The following APRT variants were observed in gnomAD, a reference collection of about 807,000 sequenced individuals.
The protein encoded by APRT is adenine phosphoribosyltransferase.
APRT carries 25 observed loss-of-function variants against 21.0 expected under a neutral mutation model. The ratio of observed to expected loss-of-function variants is 1.19; its 90% confidence interval spans 0.87 to 1.66. The LOEUF is 1.66. Among genes scored for constraint, APRT ranks in the 40% most tolerant of loss-of-function variants. The pLI is 0.00. For synonymous variants in APRT, 153 were observed against 109.0 expected (o/e 1.40, Z -2.52); for missense variants, 294 against 232.7 (o/e 1.26, Z -1.72).
intron 2 of APRT, 138 bp from the exon 3 acceptor site, chr16:88,810,694 A>AC (rs1181233474): frequency 1.1e-5 from 13 of 1,181,394 alleles, no homozygotes; most frequent in Non-Finnish European, 1.5e-5. Context: ...GTTACCCATC[A>AC]CCTACCCGGA....
In APRT at chr16:88,810,573, CAG is replaced by C; in HGVS notation, c.188-19_188-18del. 1 of 1,609,654 alleles carries C rather than the reference CAG, an allele frequency of 6.2e-7. No individual in the cohort carries two copies. Among genetic ancestry groups the C allele is most frequent in the Non-Finnish European group, 8.5e-7 (1 of 1,179,018 alleles). ...AGTCTAGGCCTGTCAGGGTAAGTGA[CAG>C]GAGTGACTCGGCAGCATGGGAATCC... On this transcript the variant is annotated intron_variant, in intron 2 of 4. Transcript: ENST00000378364.
At chr16:88,811,740 C>A in intron 1 of APRT, 80 bp downstream of exon 1, 1 of 1,501,654 alleles carries the variant, frequency 6.7e-7, no homozygotes, top group Non-Finnish European at 8.9e-7. Flanking sequence ...CCCGCCCCGC[C>A]CGCCCGGAGG....
intron 2 of APRT, chr16:88,811,165 C>G (rs984128844): frequency 2.3e-6 from 1 of 430,156 alleles, no homozygotes; most frequent in Non-Finnish European, 4.1e-6. Context: ...CCTCCCTTCC[C>G]TGGGTGGGCA....
chr16:88,809,889 A>C (rs1020098230), intron 4 of APRT, 49 bp from the exon 5 acceptor site: 1 of 1,601,486 alleles, frequency 6.2e-7, no homozygotes, highest in Non-Finnish European at 8.5e-7. Context: ...TGCAGAGAGC[A>C]GGTGCTCCAG....
Position 88,809,687 on chromosome 16 carries a change from A to G in APRT, c.*11T>C, listed in dbSNP as rs567519373. 3 of 1,613,226 alleles carry G rather than the reference A, an allele frequency of 1.9e-6. No individual in the cohort carries two copies. In the South Asian group the frequency reaches 3.3e-5, roughly 18 times the overall value. ...ATCCAGCTGGAGATGTTGGGCTGGG[A>G]GGCCCTGTGGTCACTCATACTGCAG... On this transcript the variant is annotated 3_prime_UTR_variant, in exon 5 of 5. Coordinates refer to ENST00000378364, the MANE Select transcript of APRT (RefSeq NM_000485.3).
intron 2 of APRT, 147 bp from the exon 3 acceptor site, chr16:88,810,703 G>A (rs1259455976): frequency 8.9e-7 from 1 of 1,127,352 alleles, no homozygotes; most frequent in Non-Finnish European, 1.3e-6. Context: ...CACCTACCCG[G>A]AGCTGCTTCC....
At chr16:88,811,451 C>T in intron 2 of APRT, 99 bp downstream of exon 2, 1 of 1,326,884 alleles carries the variant, frequency 7.5e-7, no homozygotes, top group Non-Finnish European at 1.0e-6. Context: ...CCCTGAAGCA[C>T]CCCAAAGGCC....
At chr16:88,811,374 G>A in intron 2 of APRT, 176 bp downstream of exon 2, 1 of 669,896 alleles carries the variant, frequency 1.5e-6, no homozygotes. Context: ...GCACAGCGCG[G>A]CGGCCTCGGG....
At chr16:88,811,476 C>T in intron 2 of APRT, 74 bp downstream of exon 2, 1 of 1,440,696 alleles carries the variant, frequency 6.9e-7, no homozygotes, top group Middle Eastern at 1.7e-4. Context: ...CCCAAGCAGA[C>T]GCGCAGAGCC....
intron 4 of APRT, 101 bp downstream of exon 4, chr16:88,809,969 C>T (rs1456561604): frequency 1.3e-6 from 2 of 1,568,872 alleles, no homozygotes; most frequent in Non-Finnish European, 1.7e-6. Context: ...CAGGCACCCT[C>T]TGGACAACAG....
In APRT at chr16:88,809,355, C is replaced by G. The variant is rs1909009570; in HGVS notation, c.*343G>C. ...GGGTTCTAGCTCCTGAGGTGAGAACCAGGACAGGTTCTGCTGGGCATCACG... is the reference window on the plus strand; with the variant it reads ...GGGTTCTAGCTCCTGAGGTGAGAACGAGGACAGGTTCTGCTGGGCATCACG... On this transcript the variant is annotated 3_prime_UTR_variant, in exon 5 of 5. Coordinates refer to ENST00000378364, the MANE Select transcript of APRT (RefSeq NM_000485.3). The G allele has an allele frequency of 2.1e-6, 1 of 472,468 alleles. No homozygotes were observed. Among genetic ancestry groups the G allele is most frequent in the Non-Finnish European group, 4.2e-6 (1 of 240,426 alleles). 29.3% of individuals were successfully genotyped at this position (472,468 alleles called of 1,614,324 possible). A position where few individuals can be genotyped will look rare whatever the true frequency, so the allele number is the denominator to read the frequency against.
In APRT at chr16:88,810,886, T is replaced by A. The variant is rs868633739; in HGVS notation, c.188-330A>T. On this transcript the variant is annotated intron_variant, in intron 2 of 4. Coordinates refer to ENST00000378364, the MANE Select transcript of APRT (RefSeq NM_000485.3). ...AGGCAGCTCTGCACCAGGGCTTCTG[T>A]CTAAAAAGGGAGTCTCTCGAGGTGG... 2.2e-4 allele frequency among the ~76,000 whole-genome samples: 34 copies of A among 152,172 alleles called. No individual in the cohort carries two copies. In the Middle Eastern group the frequency reaches 0.01, roughly 46 times the overall value.
intron 2 of APRT, 139 bp downstream of exon 2, chr16:88,811,411 C>A (rs1405880677): frequency 3.3e-6 from 3 of 916,906 alleles, no homozygotes; most frequent in Non-Finnish European, 4.9e-6. Flanking sequence ...CCTTCCCGGG[C>A]GACCCAAGCA....
At chr16:88,811,757 GC>G in intron 1 of APRT, 62 bp downstream of exon 1, 1 of 1,511,418 alleles carries the variant, frequency 6.6e-7, no homozygotes. Context: ...GAGGTCGCGG[GC>G]CACGCGCTCC....
In APRT at chr16:88,811,658, T is replaced by C. The variant is rs751779314; in HGVS notation, c.81-2A>G. The C allele has an allele frequency of 6.3e-7, 1 of 1,587,168 alleles. No individual in the cohort carries two copies. The highest frequency in any genetic ancestry group is 1.7e-5 in the Admixed American group (1 of 57,480). On this transcript the variant is annotated splice_acceptor_variant, in intron 1 of 4. Coordinates refer to ENST00000378364, the MANE Select transcript of APRT (RefSeq NM_000485.3). LOFTEE classifies it high-confidence loss of function. ...TCCTTCAGGACGGGCGAGATGTCCC[T>C]GGACCCAAGGACAGGCCTGGTGACG...
chr16:88,809,344 G>C lies in APRT; in HGVS notation c.*354C>G. The C allele has an allele frequency of 2.2e-6, 1 of 455,344 alleles. No individual in the cohort carries two copies. The allele number at this position is 455,344 out of a possible 1,614,324, so 28.2% of individuals were successfully genotyped here. The stretch of plus-strand genomic sequence containing the variant: ...CAGTGCCTGGAGGGTTCTAGCTCCT[G>C]AGGTGAGAACCAGGACAGGTTCTGC... On this transcript the variant is annotated 3_prime_UTR_variant, in exon 5 of 5. Transcript: ENST00000378364.
rs540232954 is a variant in APRT at position 88,810,385 on chromosome 16, T to C, written c.321+38A>G. 1.8e-4 allele frequency: 295 copies of C among 1,608,354 alleles called. 2 individuals are homozygous for C. The East Asian group carries it at 6.5e-3, about 35-fold the overall frequency. ...CTGGGGGAGAGTGGCCACGGTGGCC[T>C]GGCCCTGCCCTTCCTCTGGCCACCC... On this transcript the variant is annotated intron_variant, in intron 3 of 4. Transcript: ENST00000378364.
At position 88,809,372 on chromosome 16, in the gene APRT, G is replaced by A. The variant is rs774303894; in HGVS notation, c.*326C>T. 6.0e-6 allele frequency: 3 copies of A among 497,862 alleles called. No homozygotes were observed. Among genetic ancestry groups the A allele is most frequent in the African/African-American group, 1.9e-5 (1 of 51,810 alleles). The allele number at this position is 497,862 out of a possible 1,614,324, so 30.8% of individuals were successfully genotyped here. A position where few individuals can be genotyped will look rare whatever the true frequency, so the allele number is the denominator to read the frequency against. On this transcript the variant is annotated 3_prime_UTR_variant, in exon 5 of 5. Transcript: ENST00000378364. Reference sequence around the variant, plus strand: ...GTGAGAACCAGGACAGGTTCTGCTGGGCATCACGCCAAGCAGCACATGCCC... The same window carrying A: ...GTGAGAACCAGGACAGGTTCTGCTGAGCATCACGCCAAGCAGCACATGCCC...
In APRT at chr16:88,809,543, C is replaced by G; in HGVS notation, c.*155G>C. ...AGTGTGGCTGAAACACAGCTTTGCC[C>G]CAGGCTTTGGCACTTCCAGCCCCAG... On this transcript the variant is annotated 3_prime_UTR_variant, in exon 5 of 5. Transcript: ENST00000378364. The G allele has an allele frequency of 8.1e-7, 1 of 1,237,642 alleles. No homozygotes were observed. The highest frequency in any genetic ancestry group is 1.2e-6 in the Non-Finnish European group (1 of 865,104). 76.7% of individuals were successfully genotyped at this position (1,237,642 alleles called of 1,614,324 possible).
Sources: allele counts gnomAD v4.1 joint callset (sites outside exome capture counted in the v4.1 genomes callset), GRCh38; gene constraint gnomAD v4.1.1; transcripts MANE v1.5; gene names NCBI Gene and HGNC (gene_info 2026-07-23, HGNC 2026-07-21).